Variants in ERI3 observed in about 807,000 individuals in gnomAD.
ERI3 encodes ERI1 exoribonuclease family member 3.
ERI3 carries 18 observed loss-of-function variants against 44.4 expected under a neutral mutation model. The ratio of observed to expected loss-of-function variants is 0.41; its 90% CI spans 0.28 to 0.60. The LOEUF is 0.60. ERI3 is among the 20% of genes least tolerant of loss of function. ERI3 has a pLI of 0.36. For missense variants in ERI3, 294 were observed against 435.5 expected (o/e 0.68, Z 2.89); for synonymous variants, 183 against 164.8 (o/e 1.11, Z -0.84).
intron 7 of ERI3, among the ~76,000 whole-genome samples, chr1:44,278,884 T>C (rs1417831454): frequency 6.6e-6 from 1 of 152,326 alleles, no homozygotes; most frequent in South Asian, 2.1e-4. Context: ...ATTACAGGCA[T>C]GAGCCACTGC....
rs1029685504 is a variant in ERI3 at position 44,221,970 on chromosome 1, G to C, written c.932-330C>G. ...TAAATGTGTAATTTCTCCCTTGACG[G>C]CCCCCGGCCGCTGGGCGATCCTTCT... On this transcript the variant is annotated intron_variant, in intron 8 of 8. Coordinates refer to ENST00000372257, the MANE Select transcript of ERI3 (RefSeq NM_024066.3). This position sits in a 1 kb window ranked among gnomAD's most constrained non-coding sequence, Gnocchi z 5.9. 1.1e-4 allele frequency among the ~76,000 whole-genome samples: 17 copies of C among 152,228 alleles called. No homozygotes were observed. Among genetic ancestry groups the C allele is most frequent in the Non-Finnish European group, 2.4e-4 (16 of 68,034 alleles).
intron 7 of ERI3, among the ~76,000 whole-genome samples, chr1:44,251,229 C>G (rs2154318525): frequency 6.6e-6 from 1 of 152,360 alleles, no homozygotes; most frequent in Admixed American, 6.5e-5. Flanking sequence ...GCCCACCACT[C>G]ACTTTTAAAG....
At chr1:44,321,486 A>G (rs1646202671) in intron 3 of ERI3, among the ~76,000 whole-genome samples, 1 of 152,130 alleles carries the variant, frequency 6.6e-6, no homozygotes, top group Non-Finnish European at 1.5e-5. Context: ...AGCATTACAT[A>G]CAGAGTAAAT....
At chr1:44,239,010 C>T (rs867224542) in intron 8 of ERI3, among the ~76,000 whole-genome samples, 3 of 151,544 alleles carry the variant, frequency 2.0e-5, no homozygotes, top group African/African-American at 4.9e-5. Flanking sequence ...TCCCACCCTC[C>T]CTCTCCCCAC....
intron 2 of ERI3, 44 bp from the exon 3 acceptor site, chr1:44,339,366 AAG>A: frequency 2.1e-6 from 3 of 1,435,048 alleles, no homozygotes; most frequent in Non-Finnish European, 2.8e-6. Context: ...AAAGAAAAGA[AAG>A]AAAAAAAAAA....
intron 7 of ERI3, among the ~76,000 whole-genome samples, chr1:44,279,929 A>T (rs1030820484): frequency 6.6e-6 from 1 of 152,260 alleles, no homozygotes; most frequent in Non-Finnish European, 1.5e-5. Flanking sequence ...CTAGATAAAC[A>T]CAGGAAACTA....
intron 5 of ERI3, among the ~76,000 whole-genome samples, chr1:44,308,958 A>G (rs150610783): frequency 7.3e-4 from 111 of 152,332 alleles, no homozygotes; most frequent in African/African-American, 2.6e-3. Flanking sequence ...CACCTGGGAC[A>G]GTGCTGCCTG....
Position 44,290,337 on chromosome 1 carries a change from T to G in ERI3, c.759-5430A>C, listed in dbSNP as rs905988627. On this transcript the variant is annotated intron_variant, in intron 6 of 8. Coordinates refer to ENST00000372257, the MANE Select transcript of ERI3 (RefSeq NM_024066.3). ...CAGAAGGCCCAGGCTTGGAGAGAAG[T>G]GGGCCAGTAGAAGCCAACCAACCAG... Among the ~76,000 whole-genome samples the G allele has an allele frequency of 3.3e-4, 50 of 152,120 alleles. 1 individual carries two copies. Among genetic ancestry groups the G allele is most frequent in the Non-Finnish European group, 6.9e-4 (47 of 68,016 alleles).
chr1:44,221,782 G>A lies in ERI3; in HGVS notation c.932-142C>T. 3 of 662,240 alleles carry A rather than the reference G, an allele frequency of 4.5e-6. No individual in the cohort carries two copies. In the South Asian group the frequency reaches 5.3e-5, roughly 12 times the overall value. 41.0% of individuals were successfully genotyped at this position (662,240 alleles called of 1,614,324 possible). On this transcript the variant is annotated intron_variant, in intron 8 of 8. Transcript: ENST00000372257. The surrounding 1 kb of genome is among the most constrained non-coding windows in gnomAD (Gnocchi z 5.9). ...GAGAGGGTGGTCCCATCCCCTGGTG[G>A]CAGCATTCCTAGCTTCAGGTTGGTC...
In ERI3 at chr1:44,221,740, A is replaced by G. The variant is rs1643901677; in HGVS notation, c.932-100T>C. On this transcript the variant is annotated intron_variant, in intron 8 of 8. Transcript: ENST00000372257. This position sits in a 1 kb window ranked among gnomAD's most constrained non-coding sequence, Gnocchi z 5.9. Reference sequence around the variant, plus strand: ...GGGGGTGGGAAGCAGGGTCAGATTCAGGAGACACAGGCTTTAGAGAGGGTG... The same window carrying G: ...GGGGGTGGGAAGCAGGGTCAGATTCGGGAGACACAGGCTTTAGAGAGGGTG... 1 of 916,296 alleles carries G rather than the reference A, an allele frequency of 1.1e-6. No homozygotes were observed. The highest frequency in any genetic ancestry group is 1.8e-6 in the Non-Finnish European group (1 of 567,860). The allele number at this position is 916,296 out of a possible 1,614,324, so 56.8% of individuals were successfully genotyped here.
chr1:44,284,107 G>C (rs1257545895), intron 7 of ERI3: 1 of 470,068 alleles, frequency 2.1e-6, no homozygotes, highest in Admixed American at 2.4e-5. Flanking sequence ...AGTCTCCCTA[G>C]TGGACTGGGC....
intron 2 of ERI3, among the ~76,000 whole-genome samples, chr1:44,339,832 T>C (rs1423371874): frequency 6.6e-6 from 1 of 152,170 alleles, no homozygotes; most frequent in Non-Finnish European, 1.5e-5. Flanking sequence ...CCAGTCTGTA[T>C]CTTGATGTCT....
At chr1:44,233,570 A>T (rs1644236613) in intron 8 of ERI3, among the ~76,000 whole-genome samples, 1 of 151,966 alleles carries the variant, frequency 6.6e-6, no homozygotes, top group Non-Finnish European at 1.5e-5. Flanking sequence ...CGCCCAGCTA[A>T]TTGCCTGATG....
At chr1:44,347,161 T>C (rs1024769821) in intron 2 of ERI3, among the ~76,000 whole-genome samples, 5 of 152,210 alleles carry the variant, frequency 3.3e-5, no homozygotes, top group African/African-American at 9.7e-5. Context: ...GGACCAACAA[T>C]GCATATCAAC....
chr1:44,279,408 T>C (rs1451996826), intron 7 of ERI3, among the ~76,000 whole-genome samples: 2 of 152,106 alleles, frequency 1.3e-5, no homozygotes, highest in African/African-American at 4.8e-5. Context: ...CATTTTTTTG[T>C]AGAGATGAGG....
chr1:44,230,835 C>T (rs1028337061), intron 8 of ERI3, among the ~76,000 whole-genome samples: 1 of 152,194 alleles, frequency 6.6e-6, no homozygotes, highest in Non-Finnish European at 1.5e-5. Flanking sequence ...CTAATTTCCA[C>T]CCATTTTCAC....
At chr1:44,290,998 G>C (rs1182397138) in intron 6 of ERI3, among the ~76,000 whole-genome samples, 8 of 152,118 alleles carry the variant, frequency 5.3e-5, no homozygotes, top group Admixed American at 5.2e-4. Flanking sequence ...TTATCTGCCC[G>C]TGACACCTTT....
At chr1:44,342,858 T>TAAATA (rs1408660607) in intron 2 of ERI3, among the ~76,000 whole-genome samples, 2 of 11,376 alleles carry the variant, frequency 1.8e-4, no homozygotes, top group Non-Finnish European at 3.3e-4. Flanking sequence ...TATATATATA[T>TAAATA]TTTTTTTTTT....
intron 6 of ERI3, among the ~76,000 whole-genome samples, chr1:44,300,979 C>T (rs191431466): frequency 6.6e-6 from 1 of 152,232 alleles, no homozygotes; most frequent in East Asian, 1.9e-4. Flanking sequence ...AATGAATGGC[C>T]CTCTCTCATT....
Sources: allele counts gnomAD v4.1 joint callset (sites outside exome capture counted in the v4.1 genomes callset), GRCh38; gene constraint gnomAD v4.1.1; non-coding constraint Gnocchi (gnomAD v3.1); transcripts MANE v1.5; gene names NCBI Gene and HGNC (gene_info 2026-07-23, HGNC 2026-07-21).